The following COP1 variants were observed in gnomAD, a reference collection of about 807,000 sequenced individuals.
COP1 encodes the protein COP1 E3 ubiquitin ligase, also known as E3 ubiquitin-protein ligase COP1.
In COP1, 24 loss-of-function variants were observed where a neutral mutation model predicts 101.3. That is an observed-to-expected ratio of 0.24 (90% CI 0.17 to 0.33). The LOEUF is 0.33. COP1 is among the 10% of genes least tolerant of loss of function. The pLI, the probability that COP1 is intolerant of heterozygous loss-of-function variation, is 1.00. For missense variants in COP1, 663 were observed against 906.2 expected, an observed-to-expected ratio of 0.73 and a Z score of 3.45; for synonymous variants, 347 against 341.9, an observed-to-expected ratio of 1.01 and a Z score of -0.17.
At chr1:176,128,200 G>A (rs980839599) in intron 8 of COP1, among the ~76,000 whole-genome samples, 4 of 151,890 alleles carry the variant, frequency 2.6e-5, no homozygotes, top group African/African-American at 4.8e-5. Context: ...TTTTATACAC[G>A]CTGGCTCAAA....
At chr1:176,119,370 G>A (rs1230057894) in intron 8 of COP1, among the ~76,000 whole-genome samples, 2 of 152,060 alleles carry the variant, frequency 1.3e-5, no homozygotes, top group African/African-American at 4.8e-5. Flanking sequence ...TTCTGTGACT[G>A]TAAGCCTAAA....
chr1:175,983,898 G>A (rs1177901612), intron 18 of COP1, among the ~76,000 whole-genome samples: 9 of 152,118 alleles, frequency 5.9e-5, no homozygotes, highest in African/African-American at 1.9e-4. Flanking sequence ...GATGAGTTAG[G>A]GTATCTGGTA....
At chr1:176,066,184 T>C (rs978729538) in intron 11 of COP1, among the ~76,000 whole-genome samples, 1 of 152,220 alleles carries the variant, frequency 6.6e-6, no homozygotes, top group Non-Finnish European at 1.5e-5. Flanking sequence ...CTTCTCTTTA[T>C]TGCCCTTTGT....
intron 14 of COP1, among the ~76,000 whole-genome samples, chr1:176,029,848 T>C (rs1319090538): frequency 6.6e-6 from 1 of 152,188 alleles, no homozygotes; most frequent in East Asian, 1.9e-4. Flanking sequence ...CAAGTAGAAA[T>C]TAATCATTAT....
intron 9 of COP1, among the ~76,000 whole-genome samples, chr1:176,107,876 A>G (rs1572275108): frequency 6.6e-6 from 1 of 152,190 alleles, no homozygotes; most frequent in Non-Finnish European, 1.5e-5. Flanking sequence ...AGCATAAGGA[A>G]ACACAAGACA....
chr1:175,988,207 G>T, intron 17 of COP1, 81 bp downstream of exon 17: 1 of 1,332,900 alleles, frequency 7.5e-7, no homozygotes, highest in Non-Finnish European at 1.0e-6. Context: ...TCTTGACTTA[G>T]TATTTATTCT....
chr1:176,077,600 G>A (rs193093312), intron 11 of COP1, among the ~76,000 whole-genome samples: 81 of 152,168 alleles, frequency 5.3e-4, no homozygotes, highest in African/African-American at 1.7e-3. Context: ...ACAAGACAAG[G>A]ATGCCCACTT....
At position 176,191,384 on chromosome 1, in the gene COP1, T is replaced by C. The variant is rs73042786; in HGVS notation, c.408-6692A>G. 4.0e-3 allele frequency among the ~76,000 whole-genome samples: 608 copies of C among 152,168 alleles called. 4 individuals are homozygous for C. The highest frequency in any genetic ancestry group is 1.0e-2 in the African/African-American group (415 of 41,558). On this transcript the variant is annotated intron_variant, in intron 1 of 19. Transcript: ENST00000367669. ...TATTTTAAATATACTCAAATTTATA[T>C]ACAACTTCAAGAATGAAAGACGCCC...
chr1:176,134,251 T>A (rs1248678479), intron 8 of COP1, among the ~76,000 whole-genome samples: 1 of 152,060 alleles, frequency 6.6e-6, no homozygotes. Flanking sequence ...TAAATCGTTA[T>A]CCTAAACAGA....
intron 14 of COP1, among the ~76,000 whole-genome samples, chr1:176,042,562 C>CA (rs1171580353): frequency 0.14 from 7,480 of 52,904 alleles, 439 homozygotes; most frequent in Non-Finnish European, 0.16. Context: ...GAATCCGTCT[C>CA]AAAAAAAAAA....
intron 14 of COP1, among the ~76,000 whole-genome samples, chr1:176,036,554 G>A (rs1669591798): frequency 6.7e-6 from 1 of 148,662 alleles, no homozygotes; most frequent in Admixed American, 6.7e-5. Flanking sequence ...AGAGATATGA[G>A]TATATTACAA....
At chr1:176,028,785 A>T (rs1668174265) in intron 14 of COP1, among the ~76,000 whole-genome samples, 1 of 138,724 alleles carries the variant, frequency 7.2e-6, no homozygotes, top group Non-Finnish European at 1.5e-5. Context: ...GGTTCTCCTC[A>T]CTCTGTCATT....
chr1:176,066,693 T>G (rs1676035566), intron 11 of COP1, among the ~76,000 whole-genome samples: 1 of 152,198 alleles, frequency 6.6e-6, no homozygotes, highest in African/African-American at 2.4e-5. Context: ...AGATGAAATA[T>G]CAGTTATTTT....
At chr1:176,089,203 G>A (rs1680813614) in intron 9 of COP1, among the ~76,000 whole-genome samples, 1 of 151,910 alleles carries the variant, frequency 6.6e-6, no homozygotes, top group Admixed American at 6.6e-5. Flanking sequence ...TGGGGCAGGA[G>A]AATCACTTGA....
intron 11 of COP1, among the ~76,000 whole-genome samples, chr1:176,063,129 G>A (rs901334899): frequency 1.5e-5 from 2 of 129,216 alleles, no homozygotes; most frequent in African/African-American, 2.9e-5. Context: ...GCGCAATCTC[G>A]GCTCACTGCA....
intron 3 of COP1, among the ~76,000 whole-genome samples, chr1:176,175,259 ATAACACT>A (rs1184273602): frequency 6.6e-6 from 1 of 152,198 alleles, no homozygotes; most frequent in Non-Finnish European, 1.5e-5. Flanking sequence ...GTAGGGATGT[ATAACACT>A]TCACAGGGAT....
rs565674050 is a variant in COP1 at position 175,994,448 on chromosome 1, G to A, written c.1730-4969C>T. On this transcript the variant is annotated intron_variant, in intron 15 of 19. Coordinates refer to ENST00000367669, the MANE Select transcript of COP1 (RefSeq NM_022457.7). ...TGCTCCAATGAAAAGACACAGACTG[G>A]CAAACTGGATAAAGAGTCAAGACCC... is the stretch of plus-strand genomic sequence containing the variant. 2.0e-5 allele frequency among the ~76,000 whole-genome samples: 3 copies of A among 152,244 alleles called. No individual in the cohort carries two copies. The South Asian group carries it at 6.2e-4, about 32-fold the overall frequency.
chr1:176,122,381 G>A lies in COP1; in HGVS notation c.969-5700C>T, dbSNP rs12048291. 3.5e-4 allele frequency among the ~76,000 whole-genome samples: 53 copies of A among 152,074 alleles called. No homozygotes were observed. In the East Asian group the frequency reaches 4.6e-3, roughly 13 times the overall value. On this transcript the variant is annotated intron_variant, in intron 8 of 19. Transcript: ENST00000367669. ...TGTACTCTGTTACCTTTCCAAAATC[G>A]GTGAAGGCAGGAAAGGAATATGACT...
chr1:176,054,296 G>C (rs1460087961), intron 11 of COP1, among the ~76,000 whole-genome samples: 2 of 151,674 alleles, frequency 1.3e-5, no homozygotes, highest in Non-Finnish European at 2.9e-5. Context: ...CAAGTAGCTG[G>C]GATTACAGGC....
Sources: gnomAD v4.1 joint callset for allele counts (sites outside exome capture counted in the v4.1 genomes callset) on GRCh38, gnomAD v4.1.1 for gene constraint, MANE v1.5 for transcripts, NCBI Gene and HGNC (gene_info 2026-07-23, HGNC 2026-07-21) for gene names.